Variants in TIGAR observed in about 807,000 individuals in gnomAD.
TIGAR encodes TP53 induced glycolysis regulatory phosphatase, also known as fructose-2,6-bisphosphatase TIGAR.
TIGAR carries 7 observed loss-of-function variants against 17.9 expected under a neutral mutation model. The observed-to-expected ratio is 0.39, with a 90% CI of 0.22 to 0.73. The LOEUF (loss-of-function observed/expected upper bound fraction) is 0.73, where lower values mean the gene tolerates loss of function less well. Ranked by LOEUF, TIGAR falls within the 30% of genes least tolerant of loss-of-function variation. The probability of loss-of-function intolerance (pLI) is 0.42; values close to 1 mark genes in which losing one functional copy is unlikely to be tolerated. For missense variants in TIGAR, 258 were observed against 327.4 expected, an observed-to-expected ratio of 0.79 and a Z score of 1.64; for synonymous variants, 94 against 108.6, an observed-to-expected ratio of 0.87 and a Z score of 0.84.
At chr12:4,339,805 A>G (rs1295395934) in intron 3 of TIGAR, among the ~76,000 whole-genome samples, 1 of 152,246 alleles carries the variant, frequency 6.6e-6, no homozygotes, top group Non-Finnish European at 1.5e-5. Context: ...CCATATGATC[A>G]TTTCAATTGA....
chr12:4,349,717 C>G, intron 3 of TIGAR, 102 bp from the exon 4 acceptor site: 1 of 990,954 alleles, frequency 1.0e-6, no homozygotes, highest in Non-Finnish European at 1.5e-6. Context: ...GTGCCTGGTT[C>G]TAGTTCTTTT....
rs1178847468 is a variant in TIGAR at position 4,355,266 on chromosome 12, A to G, written c.*2575A>G. Among the ~76,000 whole-genome samples the G allele has an allele frequency of 1.3e-5, 2 of 152,076 alleles. No homozygotes were observed. Among genetic ancestry groups the G allele is most frequent in the South Asian group, 2.1e-4 (1 of 4,820 alleles). On this transcript the variant is annotated 3_prime_UTR_variant, in exon 6 of 6. Transcript: ENST00000179259. ...TTTTTTTCATGTGGTTGAAACAGTT[A>G]TCCCAACACCATTGTAAAGGCTGTT...
In TIGAR at chr12:4,355,540, C is replaced by T. The variant is rs568892070; in HGVS notation, c.*2849C>T. Among the ~76,000 whole-genome samples the T allele has an allele frequency of 1.4e-3, 206 of 152,076 alleles. 2 individuals carry two copies. The highest frequency in any genetic ancestry group is 4.5e-3 in the African/African-American group (185 of 41,538). On this transcript the variant is annotated 3_prime_UTR_variant, in exon 6 of 6. Coordinates refer to ENST00000179259, the MANE Select transcript of TIGAR (RefSeq NM_020375.3). ...CAATTGGTCAATTTCCAGAAAAATT[C>T]TGTTACAAATTTTATTGGAGTCACA...
Position 4,357,118 on chromosome 12 carries a change from T to A in TIGAR, c.*4427T>A, listed in dbSNP as rs1405789808. Among the ~76,000 whole-genome samples, 2 of 152,250 alleles carry A rather than the reference T, an allele frequency of 1.3e-5. No individual in the cohort carries two copies. Among genetic ancestry groups the A allele is most frequent in the African/African-American group, 4.8e-5 (2 of 41,472 alleles). On this transcript the variant is annotated 3_prime_UTR_variant, in exon 6 of 6. Transcript: ENST00000179259. ...AAGTAAGATATCCCTGAGAGAACAG[T>A]GCATCTCACACCCATTCCATGGCTT...
At chr12:4,343,959 TC>T (rs1213518600) in intron 3 of TIGAR, among the ~76,000 whole-genome samples, 1 of 151,370 alleles carries the variant, frequency 6.6e-6, no homozygotes, top group Non-Finnish European at 1.5e-5. Flanking sequence ...TTTGAAAAGA[TC>T]AACAAAATTG....
At position 4,352,243 on chromosome 12, in the gene TIGAR, T is replaced by C; in HGVS notation, c.382-17T>C. 3 of 1,592,090 alleles carry C rather than the reference T, an allele frequency of 1.9e-6. No homozygotes were observed. The highest frequency in any genetic ancestry group is 2.6e-6 in the Non-Finnish European group (3 of 1,169,940). ...ATTAATGTCACTTTATTTTGACTTTTATTTCTTTTCTTGTAGGTGAAAATG... is the reference window on the plus strand; with the variant it reads ...ATTAATGTCACTTTATTTTGACTTTCATTTCTTTTCTTGTAGGTGAAAATG... On this transcript the variant is annotated splice_polypyrimidine_tract_variant and intron_variant, in intron 5 of 5. Transcript: ENST00000179259.
In TIGAR at chr12:4,359,287, G is replaced by A. The variant is rs77818541; in HGVS notation, c.*6596G>A. On this transcript the variant is annotated 3_prime_UTR_variant, in exon 6 of 6. Coordinates refer to ENST00000179259, the MANE Select transcript of TIGAR (RefSeq NM_020375.3). ...ACTCTTATTATTTTATGGTTACACAGTCCCAACTTTGTCCTGTGGGAACCC... is the reference window on the plus strand; with the variant it reads ...ACTCTTATTATTTTATGGTTACACAATCCCAACTTTGTCCTGTGGGAACCC... Among the ~76,000 whole-genome samples the A allele has an allele frequency of 0.036, 5,466 of 152,188 alleles. 360 individuals are homozygous for A. Among genetic ancestry groups the A allele is most frequent in the East Asian group, 0.25 (1,304 of 5,162 alleles).
At chr12:4,336,446 GCACACACA>G (rs10595001) in intron 2 of TIGAR, among the ~76,000 whole-genome samples, 4,276 of 138,524 alleles carry the variant, frequency 0.031, 63 homozygotes, top group East Asian at 0.061. Flanking sequence ...CAGCAATGCA[GCACACACA>G]CACACACACA....
Position 4,341,350 on chromosome 12 carries a change from C to T in TIGAR, c.192+4190C>T, listed in dbSNP as rs190230103. Among the ~76,000 whole-genome samples, 33 of 152,226 alleles carry T rather than the reference C, an allele frequency of 2.2e-4. No individual in the cohort carries two copies. The East Asian group carries it at 5.6e-3, about 26-fold the overall frequency. ...CTCCCAGCGTGAGCGACGCAGAAGA[C>T]GGGTGATTTCTGCATTTCCAACTGA... On this transcript the variant is annotated intron_variant, in intron 3 of 5. Coordinates refer to ENST00000179259, the MANE Select transcript of TIGAR (RefSeq NM_020375.3).
Position 4,355,859 on chromosome 12 carries a change from G to GT in TIGAR, c.*3169dup, listed in dbSNP as rs1864895093. 6.6e-6 allele frequency among the ~76,000 whole-genome samples: 1 copy of GT among 152,206 alleles called. No homozygotes were observed. The highest frequency in any genetic ancestry group is 6.5e-5 in the Admixed American group (1 of 15,290). The stretch of plus-strand genomic sequence containing the variant: ...CTCGATGGTGTCAGCACTGAAGGAT[G>GT]TAAGATCTGCTGCTCTGGGGAGAGG... On this transcript the variant is annotated 3_prime_UTR_variant, in exon 6 of 6. Transcript: ENST00000179259.
chr12:4,338,351 G>A (rs1051027118), intron 3 of TIGAR, among the ~76,000 whole-genome samples: 1 of 152,166 alleles, frequency 6.6e-6, no homozygotes, highest in African/African-American at 2.4e-5. Context: ...AAGAAGGTGA[G>A]CCCTAGGGAG....
chr12:4,332,389 A>C (rs1864613608), intron 2 of TIGAR, among the ~76,000 whole-genome samples: 1 of 151,918 alleles, frequency 6.6e-6, no homozygotes, highest in Non-Finnish European at 1.5e-5. Flanking sequence ...GATTACAGGC[A>C]CGTGCCCCCA....
At chr12:4,335,413 C>G (rs1246909844) in intron 2 of TIGAR, 1 of 151,890 alleles carries the variant, frequency 6.6e-6, no homozygotes, top group Non-Finnish European at 1.5e-5. Context: ...CCAAAAGTTA[C>G]ATGTTGAAAT....
rs186955046 is a variant in TIGAR, at chr12:4,347,486, C to T, written c.193-2333C>T. ...ATGAATAAGACCTAGTATTTGATAG[C>T]GCAACAGGGTGGCTATAGTCAATAA... is the stretch of plus-strand genomic sequence containing the variant. On this transcript the variant is annotated intron_variant, in intron 3 of 5. Coordinates refer to ENST00000179259, the MANE Select transcript of TIGAR (RefSeq NM_020375.3). Among the ~76,000 whole-genome samples, 33 of 152,102 alleles carry T rather than the reference C, an allele frequency of 2.2e-4. No individual in the cohort carries two copies. The East Asian group carries it at 5.6e-3, about 26-fold the overall frequency.
chr12:4,357,237 A>T lies in TIGAR; in HGVS notation c.*4546A>T, dbSNP rs11063101. Among the ~76,000 whole-genome samples the T allele has an allele frequency of 0.4, 61,508 of 152,066 alleles. 12,829 individuals carry two copies. The highest frequency in any genetic ancestry group is 0.54 in the East Asian group (2,786 of 5,162). On this transcript the variant is annotated 3_prime_UTR_variant, in exon 6 of 6. Coordinates refer to ENST00000179259, the MANE Select transcript of TIGAR (RefSeq NM_020375.3). ...GCATGCATATTACATTTACAAGTAG[A>T]TGAATTCGTGTAAGTTAAATGGTTC... is the stretch of plus-strand genomic sequence containing the variant.
Position 4,352,727 on chromosome 12 carries a change from C to T in TIGAR, c.*36C>T, listed in dbSNP as rs777255417. ...GCATCAAAATCTAACCATTTTGAGC[C>T]TCTGAAGGGAGTGCCATTGGCTTTA... On this transcript the variant is annotated 3_prime_UTR_variant, in exon 6 of 6. Transcript: ENST00000179259. 1.9e-6 allele frequency: 3 copies of T among 1,562,402 alleles called. No individual in the cohort carries two copies. The highest frequency in any genetic ancestry group is 2.6e-6 in the Non-Finnish European group (3 of 1,159,082).
intron 1 of TIGAR, among the ~76,000 whole-genome samples, chr12:4,325,045 C>G (rs1260308331): frequency 6.6e-6 from 1 of 150,978 alleles, no homozygotes; most frequent in Non-Finnish European, 1.5e-5. Context: ...CGGGTTCAAG[C>G]GATTCTCCTG....
chr12:4,352,774 T>G lies in TIGAR; in HGVS notation c.*83T>G. On this transcript the variant is annotated 3_prime_UTR_variant, in exon 6 of 6. Transcript: ENST00000179259. Reference sequence around the variant, plus strand: ...TTTATTTACTTCTCTCCTCTGCTAGTTCTGATTTGGAAACAGTTAAAAGCC... The same window carrying G: ...TTTATTTACTTCTCTCCTCTGCTAGGTCTGATTTGGAAACAGTTAAAAGCC... The G allele has an allele frequency of 7.1e-7, 1 of 1,398,744 alleles. No homozygotes were observed. Among genetic ancestry groups the G allele is most frequent in the Middle Eastern group, 1.8e-4 (1 of 5,450 alleles). 86.6% of individuals were successfully genotyped at this position (1,398,744 alleles called of 1,614,324 possible). A position where few individuals can be genotyped will look rare whatever the true frequency, so the allele number is the denominator to read the frequency against.
chr12:4,327,759 C>G (rs1864562118), intron 1 of TIGAR, among the ~76,000 whole-genome samples: 1 of 152,160 alleles, frequency 6.6e-6, no homozygotes, highest in African/African-American at 2.4e-5. Flanking sequence ...CCTCCGCCTC[C>G]TGGGTTCAAG....
Sources: allele counts gnomAD v4.1 joint callset (sites outside exome capture counted in the v4.1 genomes callset), GRCh38; gene constraint gnomAD v4.1.1; transcripts MANE v1.5; gene names NCBI Gene and HGNC (gene_info 2026-07-23, HGNC 2026-07-21).